The following DLGAP1 variants were observed in gnomAD, a reference collection of about 807,000 sequenced individuals.
DLGAP1 encodes the protein DLG associated protein 1, also known as disks large-associated protein 1.
DLGAP1 carries 11 observed loss-of-function variants against 90.8 expected under a neutral mutation model. The ratio of observed to expected loss-of-function variants is 0.12; its 90% CI spans 0.08 to 0.20. The LOEUF is 0.20. Ranked by LOEUF, DLGAP1 falls within the 10% of genes least tolerant of loss-of-function variation. DLGAP1 has a pLI of 1.00. For missense variants in DLGAP1, 1,050 were observed against 1,333.8 expected (o/e 0.79, Z 3.31); for synonymous variants, 558 against 540.7 (o/e 1.03, Z -0.44).
At chr18:4,359,182 A>G (rs1391923121) in intron 1 of DLGAP1, among the ~76,000 whole-genome samples, 1 of 152,232 alleles carries the variant, frequency 6.6e-6, no homozygotes, top group African/African-American at 2.4e-5. Context: ...GGTTCAGGAC[A>G]TGCTACCGTA....
intron 4 of DLGAP1, among the ~76,000 whole-genome samples, chr18:3,865,650 T>C (rs570433650): frequency 6.6e-6 from 1 of 152,160 alleles, no homozygotes; most frequent in Non-Finnish European, 1.5e-5. Context: ...CATGTTATGG[T>C]GGAAAGCAAA....
intron 5 of DLGAP1, among the ~76,000 whole-genome samples, chr18:3,804,688 C>T (rs912716698): frequency 6.6e-6 from 1 of 152,268 alleles, no homozygotes; most frequent in African/African-American, 2.4e-5. Context: ...TCAACCACTG[C>T]GCATTAAAGT....
Position 4,213,205 on chromosome 18 carries a change from G to A in DLGAP1, c.-266-61918C>T, listed in dbSNP as rs1285980312. Among the ~76,000 whole-genome samples, 3 of 152,132 alleles carry A rather than the reference G, an allele frequency of 2.0e-5. No individual in the cohort carries two copies. In the East Asian group the frequency reaches 5.8e-4, roughly 29 times the overall value. ...CAAAAACATGAGAGTTGGTACCAAG[G>A]GATTTCATCTTTACTCTGAGGGCGA... On this transcript the variant is annotated intron_variant, in intron 1 of 12. Transcript: ENST00000315677.
At chr18:4,305,756 C>T (rs2080236398) in intron 1 of DLGAP1, among the ~76,000 whole-genome samples, 1 of 152,024 alleles carries the variant, frequency 6.6e-6, no homozygotes, top group Admixed American at 6.6e-5. Flanking sequence ...GTACCTGTCT[C>T]TGGTCATTTT....
chr18:3,744,205 T>C, intron 5 of DLGAP1, among the ~76,000 whole-genome samples: 1 of 152,182 alleles, frequency 6.6e-6, no homozygotes, highest in East Asian at 1.9e-4. Flanking sequence ...TAATCAATTA[T>C]CTGTAAAGTA....
At chr18:3,953,286 A>G (rs2073024202) in intron 3 of DLGAP1, among the ~76,000 whole-genome samples, 1 of 152,180 alleles carries the variant, frequency 6.6e-6, no homozygotes, top group South Asian at 2.1e-4. Context: ...TCACCCAAAT[A>G]GTGACCATTG....
intron 3 of DLGAP1, among the ~76,000 whole-genome samples, chr18:3,912,449 T>A (rs554244890): frequency 6.6e-6 from 1 of 152,268 alleles, no homozygotes; most frequent in East Asian, 1.9e-4. Context: ...GAGCCTATTA[T>A]GAGATGGGAA....
At chr18:3,509,570 G>A (rs2050425245) in intron 10 of DLGAP1, among the ~76,000 whole-genome samples, 1 of 152,128 alleles carries the variant, frequency 6.6e-6, no homozygotes, top group Non-Finnish European at 1.5e-5. Flanking sequence ...TCTCATGGTC[G>A]GGAAGGAATC....
At chr18:3,919,379 T>C (rs905548976) in intron 3 of DLGAP1, among the ~76,000 whole-genome samples, 3 of 152,218 alleles carry the variant, frequency 2.0e-5, no homozygotes, top group Non-Finnish European at 4.4e-5. Flanking sequence ...AAACAAAGCG[T>C]ATAGATTCCT....
At chr18:4,368,299 T>G (rs1388154364) in intron 1 of DLGAP1, among the ~76,000 whole-genome samples, 1 of 152,188 alleles carries the variant, frequency 6.6e-6, no homozygotes, top group African/African-American at 2.4e-5. Flanking sequence ...AAATGTCACC[T>G]TGGCTGGACC....
intron 5 of DLGAP1, among the ~76,000 whole-genome samples, chr18:3,783,323 C>A (rs532508351): frequency 1.3e-3 from 195 of 152,286 alleles, no homozygotes; most frequent in African/African-American, 4.5e-3. Context: ...GGAATGAAAA[C>A]ATATGCCCAC....
intron 2 of DLGAP1, among the ~76,000 whole-genome samples, chr18:4,115,349 T>A (rs2076043538): frequency 6.7e-6 from 1 of 148,900 alleles, no homozygotes; most frequent in Non-Finnish European, 1.5e-5. Flanking sequence ...TTTTTTTTTT[T>A]AACAAAACTG....
chr18:3,645,687 T>C (rs1203094609), intron 7 of DLGAP1, among the ~76,000 whole-genome samples: 4 of 152,222 alleles, frequency 2.6e-5, no homozygotes, highest in Admixed American at 6.5e-5. Context: ...TAATTCCTTT[T>C]ATATATTCCT....
intron 1 of DLGAP1, among the ~76,000 whole-genome samples, chr18:4,351,660 C>T (rs748659146): frequency 6.6e-6 from 1 of 152,134 alleles, no homozygotes; most frequent in Non-Finnish European, 1.5e-5. Context: ...TCCTGTCCAA[C>T]ATAGATAAAT....
At chr18:4,112,871 G>A (rs2075997848) in intron 2 of DLGAP1, among the ~76,000 whole-genome samples, 1 of 152,016 alleles carries the variant, frequency 6.6e-6, no homozygotes, top group South Asian at 2.1e-4. Flanking sequence ...TTCATTTTCT[G>A]TTCCCGTGTT....
At chr18:4,305,648 G>T (rs1156346642) in intron 1 of DLGAP1, among the ~76,000 whole-genome samples, 1 of 151,708 alleles carries the variant, frequency 6.6e-6, no homozygotes, top group Non-Finnish European at 1.5e-5. Flanking sequence ...AATTTTCTAA[G>T]TAAAGTACTA....
At chr18:3,642,283 C>A (rs1296690036) in intron 7 of DLGAP1, among the ~76,000 whole-genome samples, 1 of 152,128 alleles carries the variant, frequency 6.6e-6, no homozygotes, top group Admixed American at 6.5e-5. Flanking sequence ...CGTTGAGCAT[C>A]CCAAATCTGA....
chr18:4,329,938 T>C (rs1056558764), intron 1 of DLGAP1, among the ~76,000 whole-genome samples: 4 of 151,968 alleles, frequency 2.6e-5, no homozygotes, highest in Admixed American at 2.6e-4. Flanking sequence ...AGGGTTCCTA[T>C]GGAATTGGAA....
intron 1 of DLGAP1, among the ~76,000 whole-genome samples, chr18:4,237,084 C>G (rs550546074): frequency 6.6e-6 from 1 of 152,136 alleles, no homozygotes; most frequent in Non-Finnish European, 1.5e-5. Flanking sequence ...CTGAAGCTAT[C>G]GAGTAGCTCA....
Sources: gnomAD v4.1 joint callset for allele counts (sites outside exome capture counted in the v4.1 genomes callset) on GRCh38, gnomAD v4.1.1 for gene constraint, MANE v1.5 for transcripts, NCBI Gene and HGNC (gene_info 2026-07-23, HGNC 2026-07-21) for gene names.